Variants in NAV2 observed in about 807,000 individuals in gnomAD.
NAV2 encodes neuron navigator 2.
A neutral mutation model predicts 223.2 loss-of-function variants in NAV2; 54 were observed. The ratio of observed to expected loss-of-function variants is 0.24; its 90% CI spans 0.19 to 0.30. The LOEUF (loss-of-function observed/expected upper bound fraction) is 0.30, where lower values mean the gene tolerates loss of function less well. Among genes scored for constraint, NAV2 ranks in the 10% least tolerant of loss-of-function variants. NAV2 has a pLI of 1.00. For synonymous variants in NAV2, 1,279 were observed against 1,239.3 expected (o/e 1.03, Z -0.67); for missense variants, 2,806 against 3,147.5 (o/e 0.89, Z 2.60).
At chr11:19,427,657 C>T (rs1282687453) in intron 1 of NAV2, among the ~76,000 whole-genome samples, 2 of 152,190 alleles carry the variant, frequency 1.3e-5, no homozygotes, top group Non-Finnish European at 2.9e-5. Flanking sequence ...ATTGCAATCT[C>T]CCACAGCCAT....
intron 1 of NAV2, among the ~76,000 whole-genome samples, chr11:19,804,868 C>T (rs2058463690): frequency 6.6e-6 from 1 of 152,094 alleles, no homozygotes; most frequent in Admixed American, 6.5e-5. Context: ...TTTGAGAAAC[C>T]CGTAGGATCC....
chr11:19,358,094 A>G (rs1853721307), intron 1 of NAV2, among the ~76,000 whole-genome samples: 1 of 152,118 alleles, frequency 6.6e-6, no homozygotes, highest in Non-Finnish European at 1.5e-5. Context: ...TTTGAATCAC[A>G]ATAATGACAT....
At chr11:20,072,012 C>T (rs2059435310) in intron 22 of NAV2, among the ~76,000 whole-genome samples, 1 of 152,096 alleles carries the variant, frequency 6.6e-6, no homozygotes, top group Admixed American at 6.6e-5. Context: ...AGGCTTTGCC[C>T]ATGCCTATGT....
intron 1 of NAV2, among the ~76,000 whole-genome samples, chr11:19,507,858 C>T (rs986499703): frequency 5.9e-5 from 9 of 152,122 alleles, no homozygotes; most frequent in Admixed American, 2.0e-4. Flanking sequence ...GATCAGGACA[C>T]GGAGGTTCAG....
chr11:19,877,788 G>A (rs572579196), intron 4 of NAV2, among the ~76,000 whole-genome samples: 2 of 152,030 alleles, frequency 1.3e-5, no homozygotes, highest in Non-Finnish European at 2.9e-5. Flanking sequence ...TCTTGATTCT[G>A]TCCCTAGCTC....
At chr11:19,856,451 T>C (rs544167984) in intron 3 of NAV2, among the ~76,000 whole-genome samples, 3 of 152,382 alleles carry the variant, frequency 2.0e-5, no homozygotes, top group South Asian at 2.1e-4. Context: ...TAGTTTAAAA[T>C]ATTTTGTGTA....
intron 26 of NAV2, among the ~76,000 whole-genome samples, chr11:20,087,725 G>A (rs2060547262): frequency 6.6e-6 from 1 of 152,184 alleles, no homozygotes; most frequent in Non-Finnish European, 1.5e-5. Flanking sequence ...AGTGGGTATA[G>A]TTCAGGAACA....
At chr11:19,992,256 G>C (rs1379074335) in intron 11 of NAV2, among the ~76,000 whole-genome samples, 1 of 152,246 alleles carries the variant, frequency 6.6e-6, no homozygotes, top group Non-Finnish European at 1.5e-5. Flanking sequence ...GCTCTTTTAT[G>C]CTAGTGCCAC....
At chr11:19,382,491 C>T (rs1298327581) in intron 1 of NAV2, among the ~76,000 whole-genome samples, 1 of 152,140 alleles carries the variant, frequency 6.6e-6, no homozygotes, top group Non-Finnish European at 1.5e-5. Context: ...CCAGATGCTC[C>T]GGCAGCCCAC....
chr11:19,759,663 A>G (rs750623407), intron 1 of NAV2, among the ~76,000 whole-genome samples: 1 of 152,122 alleles, frequency 6.6e-6, no homozygotes, highest in Non-Finnish European at 1.5e-5. Flanking sequence ...CTTACTAGCT[A>G]TGTTTTCTTG....
chr11:19,634,586 C>CA (rs960911964), intron 1 of NAV2, among the ~76,000 whole-genome samples: 2 of 151,992 alleles, frequency 1.3e-5, no homozygotes, highest in African/African-American at 4.8e-5. Context: ...TTCGTTCCTT[C>CA]AAAAAAACAT....
intron 20 of NAV2, among the ~76,000 whole-genome samples, chr11:20,063,765 C>A (rs1014014738): frequency 1.3e-5 from 2 of 152,124 alleles, no homozygotes; most frequent in Admixed American, 1.3e-4. Context: ...ATTGGAAATT[C>A]TTTAGCCCTT....
intron 35 of NAV2, among the ~76,000 whole-genome samples, chr11:20,106,015 G>A (rs1339302804): frequency 6.6e-6 from 1 of 151,228 alleles, no homozygotes; most frequent in Non-Finnish European, 1.5e-5. Context: ...GATTGGCTTT[G>A]CTTGAAAAAT....
At chr11:20,028,381 C>T (rs952656858) in intron 11 of NAV2, among the ~76,000 whole-genome samples, 7 of 152,128 alleles carry the variant, frequency 4.6e-5, no homozygotes, top group African/African-American at 9.7e-5. Context: ...AGGCTTTTCC[C>T]TTCACATCTG....
intron 11 of NAV2, among the ~76,000 whole-genome samples, chr11:20,003,761 A>C (rs2052784571): frequency 6.6e-6 from 1 of 152,212 alleles, no homozygotes; most frequent in Non-Finnish European, 1.5e-5. Context: ...GGCTGTGGGC[A>C]TGAAGCAGAC....
chr11:19,693,229 C>T (rs1565172873), intron 1 of NAV2, among the ~76,000 whole-genome samples: 1 of 152,254 alleles, frequency 6.6e-6, no homozygotes, highest in Non-Finnish European at 1.5e-5. Flanking sequence ...ACAGGGTCCC[C>T]TCGTGATGGG....
At chr11:19,869,712 G>C (rs1358509202) in intron 4 of NAV2, among the ~76,000 whole-genome samples, 1 of 152,186 alleles carries the variant, frequency 6.6e-6, no homozygotes, top group African/African-American at 2.4e-5. Flanking sequence ...GGCTGCACCT[G>C]CCTCCAGTTT....
chr11:19,452,055 C>T (rs576594187), intron 1 of NAV2, among the ~76,000 whole-genome samples: 4 of 152,032 alleles, frequency 2.6e-5, no homozygotes, highest in South Asian at 2.1e-4. Flanking sequence ...ACGTGGTTCA[C>T]GTCATTATCC....
At chr11:19,904,400 C>T (rs1195340670) in intron 6 of NAV2, among the ~76,000 whole-genome samples, 3 of 151,610 alleles carry the variant, frequency 2.0e-5, no homozygotes, top group African/African-American at 7.3e-5. Context: ...TTTGTGGTAA[C>T]TGGTCTTATA....
Sources: allele counts gnomAD v4.1 joint callset (sites outside exome capture counted in the v4.1 genomes callset), GRCh38; gene constraint gnomAD v4.1.1; transcripts MANE v1.5; gene names NCBI Gene and HGNC (gene_info 2026-07-23, HGNC 2026-07-21).